FAM90A20: variants seen among roughly 807,000 people sequenced by gnomAD.
FAM90A20 encodes the protein family with sequence similarity 90 member A20.
the FAM90A20 span, chr8:7,297,046 G>C: frequency 3.4e-6 from 5 of 1,482,760 alleles, 1 homozygote; most frequent in Non-Finnish European, 4.5e-6. Flanking sequence ...AACCTGTGTT[G>C]TTTCCTCTCT....
the FAM90A20 span, chr8:7,296,483 A>T: frequency 1.7e-5 from 11 of 666,348 alleles, no homozygotes; most frequent in African/African-American, 2.6e-5. Flanking sequence ...GCGGGAGGAA[A>T]TCGGGGAACC....
the FAM90A20 span, chr8:7,297,267 C>T: frequency 2.8e-6 from 4 of 1,407,198 alleles, no homozygotes; most frequent in East Asian, 2.3e-5. Context: ...ATCCCTCGGC[C>T]TGCAGTCAGG....
the FAM90A20 span, chr8:7,297,414 G>T: frequency 2.6e-6 from 4 of 1,550,504 alleles, no homozygotes; most frequent in East Asian, 2.2e-5. Flanking sequence ...CAAGACAAAC[G>T]TCCTGCGGTG....
At chr8:7,296,276 T>C in the FAM90A20 span, 4 of 722,356 alleles carry the variant, frequency 5.5e-6, no homozygotes, top group Admixed American at 7.3e-5. Context: ...CCTGACCTTT[T>C]TCTGTTCTGC....
chr8:7,295,959 G>C, the FAM90A20 span: 1,059 of 529,520 alleles, frequency 2.0e-3, 58 homozygotes, highest in Non-Finnish European at 2.7e-3. Context: ...GAAATAGGCC[G>C]GAGCTCCGTG....
the FAM90A20 span, chr8:7,297,252 C>G: frequency 2.4e-5 from 35 of 1,455,966 alleles, 2 homozygotes; most frequent in South Asian, 4.6e-5. Flanking sequence ...GGGGCTGCCG[C>G]CGACATCCCT....
chr8:7,295,980 T>A, the FAM90A20 span: 1 of 518,766 alleles, frequency 1.9e-6, no homozygotes, highest in Non-Finnish European at 3.3e-6. Flanking sequence ...TCCTCCGGGG[T>A]TCCACACCCA....
At chr8:7,297,614 G>T in the FAM90A20 span, 3 of 1,441,330 alleles carry the variant, frequency 2.1e-6, 1 homozygote, top group Non-Finnish European at 2.8e-6. Flanking sequence ...GGGGGCCCCG[G>T]AGAATCTCCA....
At chr8:7,297,328 T>A in the FAM90A20 span, 5 of 1,366,430 alleles carry the variant, frequency 3.7e-6, no homozygotes, top group Non-Finnish European at 5.1e-6. Flanking sequence ...ACAGCAGCCC[T>A]GAGGGTAGCT....
chr8:7,297,380 C>T, the FAM90A20 span: 7 of 1,501,912 alleles, frequency 4.7e-6, 2 homozygotes, highest in African/African-American at 7.9e-5. Context: ...CCACGGCCTG[C>T]TCCAGGCCGT....
chr8:7,297,493 A>G, the FAM90A20 span: 2 of 1,524,368 alleles, frequency 1.3e-6, no homozygotes, highest in South Asian at 2.2e-5. Flanking sequence ...GCTTTGGGTC[A>G]GGAGCCAAGA....
chr8:7,296,898 C>G, the FAM90A20 span, among the ~76,000 whole-genome samples: 1 of 137,126 alleles, frequency 7.3e-6, no homozygotes, highest in Non-Finnish European at 1.5e-5. Flanking sequence ...GTGTCTTTTC[C>G]TGATCAGCAC....
At chr8:7,297,087 A>T in the FAM90A20 span, 6 of 1,512,302 alleles carry the variant, frequency 4.0e-6, 1 homozygote, top group African/African-American at 9.8e-5. Flanking sequence ...ATGCCGGTCC[A>T]CACAACCTGT....
the FAM90A20 span, among the ~76,000 whole-genome samples, chr8:7,296,752 C>G: frequency 9.6e-5 from 13 of 135,482 alleles, 1 homozygote; most frequent in Admixed American, 3.5e-4. Flanking sequence ...AACCTGCCTT[C>G]GGAAAGCCAT....
chr8:7,297,883 G>T, the FAM90A20 span: 1 of 761,958 alleles, frequency 1.3e-6, no homozygotes, highest in East Asian at 2.6e-5. Context: ...ACTCTCCTGA[G>T]AAGCCGGGAG....
At chr8:7,297,346 A>T in the FAM90A20 span, 6 of 1,402,000 alleles carry the variant, frequency 4.3e-6, no homozygotes, top group South Asian at 5.7e-5. Context: ...GCTGCCGAGA[A>T]GTTCCCCAGG....
At chr8:7,297,195 C>G in the FAM90A20 span, 9 of 1,535,600 alleles carry the variant, frequency 5.9e-6, no homozygotes, top group African/African-American at 2.0e-5. Flanking sequence ...CTCAGAAAAG[C>G]CAGTCTGAGC....
At chr8:7,297,141 C>T in the FAM90A20 span, 2 of 1,526,852 alleles carry the variant, frequency 1.3e-6, no homozygotes, top group East Asian at 2.2e-5. Context: ...CGCTCAGCTA[C>T]CGAAATGTCT....
chr8:7,296,691 C>T, the FAM90A20 span, among the ~76,000 whole-genome samples: 1 of 135,548 alleles, frequency 7.4e-6, no homozygotes, highest in Admixed American at 6.9e-5. Flanking sequence ...AGGCTAAACC[C>T]AGGAACATGC....
Sources: gnomAD v4.1 joint callset for allele counts (sites outside exome capture counted in the v4.1 genomes callset) on GRCh38, gnomAD v4.1.1 for gene constraint, MANE v1.5 for transcripts, NCBI Gene and HGNC (gene_info 2026-07-23, HGNC 2026-07-21) for gene names.